MIS18A: variants seen among roughly 807,000 people sequenced by gnomAD.
The protein encoded by MIS18A is MIS18 kinetochore protein A.
In MIS18A, 14 loss-of-function variants were observed where a neutral mutation model predicts 25.0. The observed-to-expected ratio is 0.56, with a 90% CI of 0.37 to 0.88. The LOEUF is 0.88. Among genes scored for constraint, MIS18A ranks in the 40% least tolerant of loss-of-function variants. The pLI, the probability that MIS18A is intolerant of heterozygous loss-of-function variation, is 0.00. For missense variants in MIS18A, 292 were observed against 290.8 expected (o/e 1.00, Z -0.03); for synonymous variants, 134 against 118.6 (o/e 1.13, Z -0.84).
At chr21:32,253,760 G>A in the MIS18A span, among the ~76,000 whole-genome samples, 16 of 152,258 alleles carry the variant, frequency 1.1e-4, no homozygotes, top group African/African-American at 3.6e-4. Flanking sequence ...AGCCCAAAAC[G>A]CTCCTAGAAG....
Position 32,270,543 on chromosome 21 carries a change from A to C in MIS18A, c.402-14T>G. The C allele has an allele frequency of 9.2e-6, 14 of 1,526,252 alleles. No homozygotes were observed. The highest frequency in any genetic ancestry group is 1.2e-5 in the Non-Finnish European group (14 of 1,139,146). 94.5% of individuals were successfully genotyped at this position (1,526,252 alleles called of 1,614,324 possible). On this transcript the variant is annotated splice_polypyrimidine_tract_variant and intron_variant, in intron 2 of 4. Coordinates refer to ENST00000290130, the MANE Select transcript of MIS18A (RefSeq NM_018944.3). ...GTCTCAAGGACGCTGCAATAAAGAA[A>C]TGTCTTGCTTTAGGAAACGAAGCAG...
the MIS18A span, among the ~76,000 whole-genome samples, chr21:32,171,526 A>T: frequency 6.6e-6 from 1 of 152,096 alleles, no homozygotes; most frequent in African/African-American, 2.4e-5. Flanking sequence ...CACATCATAG[A>T]GTGTACTTAC....
chr21:32,207,858 G>A, the MIS18A span, among the ~76,000 whole-genome samples: 1 of 152,204 alleles, frequency 6.6e-6, no homozygotes, highest in Admixed American at 6.5e-5. Context: ...TGGGCCCGGG[G>A]TCTACTTCAT....
chr21:32,270,648 G>C (rs1370608444), intron 2 of MIS18A, 119 bp from the exon 3 acceptor site: 5 of 1,054,274 alleles, frequency 4.7e-6, no homozygotes, highest in Non-Finnish European at 6.2e-6. Flanking sequence ...GACCACACTA[G>C]GTCATACATA....
chr21:32,241,153 C>G, the MIS18A span, among the ~76,000 whole-genome samples: 1 of 152,104 alleles, frequency 6.6e-6, no homozygotes, highest in Non-Finnish European at 1.5e-5. Flanking sequence ...ACATAGATGG[C>G]ACTTACTTTT....
chr21:32,257,348 A>C, the MIS18A span, among the ~76,000 whole-genome samples: 2 of 152,248 alleles, frequency 1.3e-5, no homozygotes, highest in Admixed American at 6.5e-5. Context: ...TCACGTGCCC[A>C]TGTTTTAATC....
At chr21:32,256,687 C>T in the MIS18A span, among the ~76,000 whole-genome samples, 1 of 152,172 alleles carries the variant, frequency 6.6e-6, no homozygotes, top group Non-Finnish European at 1.5e-5. Flanking sequence ...GCCTCTGTGT[C>T]TTGGCTCATG....
chr21:32,180,436 C>T, the MIS18A span, among the ~76,000 whole-genome samples: 1 of 152,196 alleles, frequency 6.6e-6, no homozygotes, highest in East Asian at 1.9e-4. Context: ...CCATCCTTTT[C>T]CCTTCCCCAC....
the MIS18A span, among the ~76,000 whole-genome samples, chr21:32,238,289 C>G: frequency 6.6e-6 from 1 of 152,148 alleles, no homozygotes; most frequent in Non-Finnish European, 1.5e-5. Context: ...GTGACAATAA[C>G]CCCCCAAATC....
At chr21:32,199,369 T>C in the MIS18A span, among the ~76,000 whole-genome samples, 2 of 152,058 alleles carry the variant, frequency 1.3e-5, no homozygotes, top group African/African-American at 4.8e-5. Flanking sequence ...CTCTTACTTC[T>C]TCCATTTGAA....
the MIS18A span, among the ~76,000 whole-genome samples, chr21:32,188,487 G>A: frequency 2.0e-5 from 3 of 152,128 alleles, no homozygotes; most frequent in Non-Finnish European, 2.9e-5. Flanking sequence ...TTTTTGCACT[G>A]GAGAAAGACA....
chr21:32,234,636 G>A, the MIS18A span, among the ~76,000 whole-genome samples: 1 of 152,116 alleles, frequency 6.6e-6, no homozygotes, highest in Non-Finnish European at 1.5e-5. Flanking sequence ...GGTGATGAGT[G>A]TGTTCTCACT....
chr21:32,244,015 A>T, the MIS18A span, among the ~76,000 whole-genome samples: 5 of 152,222 alleles, frequency 3.3e-5, no homozygotes, highest in Admixed American at 1.3e-4. Context: ...AACCACCCAG[A>T]TGTCCATCAT....
rs752826865 is a variant in MIS18A at position 32,279,019 on chromosome 21, T to C, written c.-5A>G. The C allele has an allele frequency of 8.3e-6, 13 of 1,575,520 alleles. No homozygotes were observed. In the Admixed American group the frequency reaches 2.2e-4, roughly 27 times the overall value. ...CAGTGACCGAACGCCTGCCATTACC[T>C]ACAAATCGCCCGCGCCCCAGAGCGC... is the stretch of plus-strand genomic sequence containing the variant. On this transcript the variant is annotated 5_prime_UTR_variant, in exon 1 of 5. The change abolishes the stop of an existing upstream ORF in the 5' untranslated region. Transcript: ENST00000290130.
the MIS18A span, among the ~76,000 whole-genome samples, chr21:32,171,281 T>C: frequency 2.6e-5 from 4 of 152,038 alleles, no homozygotes; most frequent in African/African-American, 4.8e-5. Flanking sequence ...AATGAATTCA[T>C]CAAAGTTGAA....
the MIS18A span, among the ~76,000 whole-genome samples, chr21:32,183,568 G>A: frequency 6.6e-6 from 1 of 152,106 alleles, no homozygotes; most frequent in Non-Finnish European, 1.5e-5. Context: ...CCCCTCCTTG[G>A]GAGTAGCTGT....
chr21:32,235,721 C>T, the MIS18A span, among the ~76,000 whole-genome samples: 1 of 152,344 alleles, frequency 6.6e-6, no homozygotes, highest in East Asian at 1.9e-4. Context: ...TCTGTGGAGA[C>T]ACCGCGTTCA....
At chr21:32,214,573 T>A in the MIS18A span, among the ~76,000 whole-genome samples, 1 of 152,222 alleles carries the variant, frequency 6.6e-6, no homozygotes, top group Non-Finnish European at 1.5e-5. Flanking sequence ...AGCCTATATG[T>A]TCTAATCACA....
At chr21:32,186,182 C>T in the MIS18A span, among the ~76,000 whole-genome samples, 2 of 152,222 alleles carry the variant, frequency 1.3e-5, no homozygotes. Flanking sequence ...TGATTGTGGC[C>T]TTGGACAGTA....
Sources: gnomAD v4.1 joint callset for allele counts (sites outside exome capture counted in the v4.1 genomes callset) on GRCh38, gnomAD v4.1.1 for gene constraint, MANE v1.5 for transcripts, NCBI Gene and HGNC (gene_info 2026-07-23, HGNC 2026-07-21) for gene names.